Variants in PLXDC2 observed in about 807,000 individuals in gnomAD.
PLXDC2 encodes the protein plexin domain-containing protein 2.
Under a neutral mutation model 68.9 loss-of-function variants are expected in PLXDC2, and 40 were observed. That is an observed-to-expected ratio of 0.58 (90% confidence interval 0.45 to 0.76). The LOEUF (loss-of-function observed/expected upper bound fraction) is 0.76, where lower values mean the gene tolerates loss of function less well. Ranked by LOEUF, PLXDC2 falls within the 30% of genes least tolerant of loss-of-function variation. The pLI, the probability that PLXDC2 is intolerant of heterozygous loss-of-function variation, is 0.00. For missense variants in PLXDC2, 644 were observed against 661.9 expected, an observed-to-expected ratio of 0.97 and a Z score of 0.30; for synonymous variants, 243 against 234.2, an observed-to-expected ratio of 1.04 and a Z score of -0.34.
intron 4 of PLXDC2, among the ~76,000 whole-genome samples, chr10:20,088,898 G>A (rs1256629566): frequency 6.6e-6 from 1 of 152,090 alleles, no homozygotes. Flanking sequence ...TATTAATACT[G>A]CATATCATTT....
intron 4 of PLXDC2, among the ~76,000 whole-genome samples, chr10:20,137,112 A>G (rs922772736): frequency 5.9e-5 from 9 of 152,252 alleles, no homozygotes; most frequent in Non-Finnish European, 1.0e-4. Flanking sequence ...TACATGTCAT[A>G]CATTTAGGCC....
intron 1 of PLXDC2, among the ~76,000 whole-genome samples, chr10:19,846,024 T>C (rs1260357293): frequency 6.6e-6 from 1 of 152,194 alleles, no homozygotes; most frequent in Non-Finnish European, 1.5e-5. Flanking sequence ...CTATGGAGGC[T>C]ATTTATTTAA....
At chr10:19,883,282 A>C (rs1225118751) in intron 1 of PLXDC2, among the ~76,000 whole-genome samples, 1 of 138,084 alleles carries the variant, frequency 7.2e-6, no homozygotes, top group Non-Finnish European at 1.6e-5. Context: ...CTTAAGAAAC[A>C]AAATTGCAAG....
chr10:20,147,156 A>G lies in PLXDC2; in HGVS notation c.665-628A>G, dbSNP rs536678694. Among the ~76,000 whole-genome samples, 85 of 152,274 alleles carry G rather than the reference A, an allele frequency of 5.6e-4. No individual in the cohort carries two copies. The Middle Eastern group carries it at 0.01, about 18-fold the overall frequency. Reference sequence around the variant, plus strand: ...CAGAGTGATTCAGAATATAATATACAGCACTGAAGTTTCATCCCAGTGTGC... The same window carrying G: ...CAGAGTGATTCAGAATATAATATACGGCACTGAAGTTTCATCCCAGTGTGC... On this transcript the variant is annotated intron_variant, in intron 5 of 13. Transcript: ENST00000377252.
chr10:19,834,329 TAGAGAGAGAG>T (rs72293743), intron 1 of PLXDC2, among the ~76,000 whole-genome samples: 1 of 145,224 alleles, frequency 6.9e-6, no homozygotes, highest in Non-Finnish European at 1.5e-5. Context: ...AAGAGAGAGG[TAGAGAGAGAG>T]AGAGAGAGAG....
intron 10 of PLXDC2, among the ~76,000 whole-genome samples, chr10:20,215,033 T>A (rs546034075): frequency 6.6e-6 from 1 of 152,244 alleles, no homozygotes; most frequent in South Asian, 2.1e-4. Flanking sequence ...ATTGCAGTCA[T>A]GGGTGTAGAA....
At chr10:20,278,191 T>A (rs1836033799) in intron 13 of PLXDC2, among the ~76,000 whole-genome samples, 1 of 152,156 alleles carries the variant, frequency 6.6e-6, no homozygotes, top group Non-Finnish European at 1.5e-5. Context: ...GCAGGGTTGT[T>A]CTTGCTACCA....
At chr10:19,905,094 G>T (rs1440585090) in intron 1 of PLXDC2, among the ~76,000 whole-genome samples, 1 of 152,184 alleles carries the variant, frequency 6.6e-6, no homozygotes, top group South Asian at 2.1e-4. Context: ...TGTAGGCATA[G>T]GTAACACCCT....
At chr10:19,870,155 A>G (rs2131342106) in intron 1 of PLXDC2, among the ~76,000 whole-genome samples, 1 of 152,332 alleles carries the variant, frequency 6.6e-6, no homozygotes. Flanking sequence ...TGACTATTAT[A>G]AAATGATTGA....
intron 1 of PLXDC2, among the ~76,000 whole-genome samples, chr10:19,998,928 A>G (rs1243048650): frequency 6.6e-6 from 1 of 152,216 alleles, no homozygotes; most frequent in Non-Finnish European, 1.5e-5. Context: ...AATCTTACTA[A>G]AGGATGAGCT....
intron 9 of PLXDC2, among the ~76,000 whole-genome samples, chr10:20,185,951 T>C (rs949420253): frequency 3.3e-5 from 5 of 152,002 alleles, no homozygotes; most frequent in African/African-American, 1.2e-4. Flanking sequence ...TTACAAACTT[T>C]TGTTGATCCA....
intron 2 of PLXDC2, among the ~76,000 whole-genome samples, chr10:20,019,836 T>A (rs943611674): frequency 1.3e-5 from 2 of 152,142 alleles, no homozygotes; most frequent in Admixed American, 6.6e-5. Context: ...TAAGCTGCCA[T>A]GGCAGCACAG....
chr10:19,943,646 T>G (rs1330897263), intron 1 of PLXDC2, among the ~76,000 whole-genome samples: 1 of 152,226 alleles, frequency 6.6e-6, no homozygotes, highest in Admixed American at 6.5e-5. Flanking sequence ...TCACACACTT[T>G]GCTGAATATT....
chr10:19,834,270 C>T (rs1836747215), intron 1 of PLXDC2, among the ~76,000 whole-genome samples: 1 of 151,974 alleles, frequency 6.6e-6, no homozygotes, highest in African/African-American at 2.4e-5. Context: ...GAAAGGAAGC[C>T]TTTGGCAAGG....
chr10:19,948,710 C>A (rs1011228778), intron 1 of PLXDC2, among the ~76,000 whole-genome samples: 2 of 152,076 alleles, frequency 1.3e-5, no homozygotes, highest in Non-Finnish European at 2.9e-5. Context: ...CCAACCCTCT[C>A]TTTTCTTTGT....
chr10:19,913,230 T>A (rs2131375442), intron 1 of PLXDC2, among the ~76,000 whole-genome samples: 1 of 152,230 alleles, frequency 6.6e-6, no homozygotes, highest in East Asian at 1.9e-4. Context: ...GGTGGATTTC[T>A]CCCTTTGCTG....
At chr10:20,038,476 C>A (rs1311858043) in intron 2 of PLXDC2, among the ~76,000 whole-genome samples, 1 of 152,048 alleles carries the variant, frequency 6.6e-6, no homozygotes, top group African/African-American at 2.4e-5. Flanking sequence ...GAATTTAATT[C>A]TTCTGACACT....
chr10:20,039,676 T>C (rs1459618911), intron 2 of PLXDC2, among the ~76,000 whole-genome samples: 1 of 152,158 alleles, frequency 6.6e-6, no homozygotes, highest in Non-Finnish European at 1.5e-5. Flanking sequence ...TTTGAGCATC[T>C]TCACATATTT....
intron 1 of PLXDC2, among the ~76,000 whole-genome samples, chr10:19,944,112 A>G (rs1589549165): frequency 7.9e-5 from 12 of 152,162 alleles, no homozygotes; most frequent in Admixed American, 7.2e-4. Context: ...ACCTGAAATC[A>G]CTTTGGTATG....
Sources: gnomAD v4.1 joint callset for allele counts (sites outside exome capture counted in the v4.1 genomes callset) on GRCh38, gnomAD v4.1.1 for gene constraint, MANE v1.5 for transcripts, NCBI Gene and HGNC (gene_info 2026-07-23, HGNC 2026-07-21) for gene names.